EMC10: variants seen among roughly 807,000 people sequenced by gnomAD.
The protein encoded by EMC10 is ER membrane protein complex subunit 10, also known as UPF0510 protein INM02.
Under a neutral mutation model 32.2 loss-of-function variants are expected in EMC10, and 40 were observed. The ratio of observed to expected loss-of-function variants is 1.24; its 90% CI spans 0.96 to 1.61. The LOEUF is 1.61. EMC10 is among the 40% of genes most tolerant of loss of function. The pLI is 0.00. For missense variants in EMC10, 402 were observed against 357.7 expected (o/e 1.12, Z -1.00); for synonymous variants, 178 against 158.4 (o/e 1.12, Z -0.93).
chr19:50,478,415 G>T (rs2040264444), intron 2 of EMC10, among the ~76,000 whole-genome samples: 1 of 152,186 alleles, frequency 6.6e-6, no homozygotes, highest in South Asian at 2.1e-4. Context: ...GTGAGTGAGT[G>T]GCAGAGCAGG....
rs1382007263 is a variant in EMC10, at chr19:50,488,902, G to C, written c.*6643G>C. ...GACAGCGAGAAAAAGAGAACAGGAA[G>C]AGGGGAAAAGAGAAGAAATGGGAGA... On this transcript the variant is annotated 3_prime_UTR_variant, in exon 7 of 7. Coordinates refer to ENST00000334976, the MANE Select transcript of EMC10 (RefSeq NM_206538.4). 1 of 151,284 alleles carries C rather than the reference G, an allele frequency of 6.6e-6. No individual in the cohort carries two copies. Among genetic ancestry groups the C allele is most frequent in the Non-Finnish European group, 1.5e-5 (1 of 68,058 alleles). The allele number at this position is 151,284 out of a possible 1,614,324, so 9.4% of individuals were successfully genotyped here. A position where few individuals can be genotyped will look rare whatever the true frequency, so the allele number is the denominator to read the frequency against.
In EMC10 at chr19:50,480,857, C is replaced by T; in HGVS notation, c.585-27C>T. ...CAGGTCCCTGGACTCCGGGCCTCAC[C>T]CTTCTCCTCCTCTCCCCTTGCCCCA... On this transcript the variant is annotated intron_variant, in intron 5 of 6. Transcript: ENST00000334976. The surrounding 1 kb of genome is among the most constrained non-coding windows in gnomAD (Gnocchi z 4.4). 1.3e-6 allele frequency: 2 copies of T among 1,583,006 alleles called. No individual in the cohort carries two copies. The highest frequency in any genetic ancestry group is 3.5e-5 in the Admixed American group (2 of 56,464).
At position 50,480,726 on chromosome 19, in the gene EMC10, C is replaced by T. The variant is rs772989238; in HGVS notation, c.548C>T (p.Thr183Ile). ...GACGTGGACCTGGAGCTGTTCAACACCTCGGTGCAGCTGCAGCCGCCCACC... is the reference window on the plus strand; with the variant it reads ...GACGTGGACCTGGAGCTGTTCAACATCTCGGTGCAGCTGCAGCCGCCCACC... Reference protein sequence around the residue: ...VEDVDLELFNTSVQLQPPTTA... With the variant: ...VEDVDLELFNISVQLQPPTTA... The change falls in exon 5 of 7, where the codon ACC (threonine) becomes ATC (isoleucine). Residue 183 changes from threonine (T) to isoleucine (I), a missense_variant. Coordinates refer to ENST00000334976, the MANE Select transcript of EMC10 (RefSeq NM_206538.4). The surrounding 1 kb of genome is among the most constrained non-coding windows in gnomAD (Gnocchi z 4.4). The T allele has an allele frequency of 1.2e-5, 19 of 1,603,796 alleles. No homozygotes were observed. The highest frequency in any genetic ancestry group is 1.4e-5 in the Non-Finnish European group (17 of 1,175,908).
chr19:50,477,240 T>C (rs1241710642), intron 1 of EMC10: 1 of 152,318 alleles, frequency 6.6e-6, no homozygotes, highest in African/African-American at 2.4e-5. Flanking sequence ...CCGTCTCTAC[T>C]AAAAACACAA....
In EMC10 at chr19:50,490,486, C is replaced by T. The variant is rs1467344000; in HGVS notation, c.*8227C>T. On this transcript the variant is annotated 3_prime_UTR_variant, in exon 7 of 7. Transcript: ENST00000334976. ...AACGCGGAGGGACGTGGGAACCCAT[C>T]CCGGTGAAGCGGCAGCGTCACGTCC... is the stretch of plus-strand genomic sequence containing the variant. 5 of 152,274 alleles carry T rather than the reference C, an allele frequency of 3.3e-5. No individual in the cohort carries two copies. In the East Asian group the frequency reaches 9.7e-4, roughly 29 times the overall value. 9.4% of individuals were successfully genotyped at this position (152,274 alleles called of 1,614,324 possible).
intron 3 of EMC10, 66 bp downstream of exon 3, chr19:50,479,132 AC>A: frequency 3.8e-6 from 5 of 1,299,416 alleles, no homozygotes; most frequent in South Asian, 2.6e-5. Flanking sequence ...CTCTTCAGCC[AC>A]CCCCTGCTGG....
rs1978511801 is a variant in EMC10, at chr19:50,489,099, GAGAAGGGAAGTTA to G, written c.*6851_*6863del. On this transcript the variant is annotated 3_prime_UTR_variant, in exon 7 of 7. Transcript: ENST00000334976. ...AAGGAGGGTAGGAGAGGGCTGGAGA[GAGAAGGGAAGTTA>G]AGAAGGGAAGGAGAGAGACAGACAT... 3 of 151,794 alleles carry G rather than the reference GAGAAGGGAAGTTA, an allele frequency of 2.0e-5. No individual in the cohort carries two copies. The highest frequency in any genetic ancestry group is 7.3e-5 in the African/African-American group (3 of 41,044). The allele number at this position is 151,794 out of a possible 1,614,324, so 9.4% of individuals were successfully genotyped here. A position where few individuals can be genotyped will look rare whatever the true frequency, so the allele number is the denominator to read the frequency against.
At position 50,483,228 on chromosome 19, in the gene EMC10, T is replaced by C; in HGVS notation, c.*969T>C. On this transcript the variant is annotated 3_prime_UTR_variant, in exon 7 of 7. Coordinates refer to ENST00000334976, the MANE Select transcript of EMC10 (RefSeq NM_206538.4). Reference sequence around the variant, plus strand: ...CCTGATGTACAAGCTTGATTGAAATTCACTGCTCACTTGATACGTTATTCA... The same window carrying C: ...CCTGATGTACAAGCTTGATTGAAATCCACTGCTCACTTGATACGTTATTCA... The C allele has an allele frequency of 2.4e-6, 1 of 421,998 alleles. No individual in the cohort carries two copies. The highest frequency in any genetic ancestry group is 4.8e-6 in the Non-Finnish European group (1 of 206,488). 26.1% of individuals were successfully genotyped at this position (421,998 alleles called of 1,614,324 possible).
Position 50,482,611 on chromosome 19 carries a change from G to A in EMC10, c.*352G>A, listed in dbSNP as rs776364207. 1.2e-5 allele frequency: 6 copies of A among 487,714 alleles called. No homozygotes were observed. Among genetic ancestry groups the A allele is most frequent in the Admixed American group, 7.5e-5 (2 of 26,532 alleles). The allele number at this position is 487,714 out of a possible 1,614,324, so 30.2% of individuals were successfully genotyped here. On this transcript the variant is annotated 3_prime_UTR_variant, in exon 7 of 7. Coordinates refer to ENST00000334976, the MANE Select transcript of EMC10 (RefSeq NM_206538.4). ...AGCCCATGCAGTCTGGGAACATGCCGCCTTCTCTCCAGCCTCTGTGCCTTT... is the reference window on the plus strand; with the variant it reads ...AGCCCATGCAGTCTGGGAACATGCCACCTTCTCTCCAGCCTCTGTGCCTTT...
At position 50,484,034 on chromosome 19, in the gene EMC10, T is replaced by TC. The variant is rs2040363047; in HGVS notation, c.*1775_*1776insC. ...TTACTAATGCTTTTTTTTTTTTTTT[T>TC]TTTTTTTTTTTGAGGCAGAGTCTCG... On this transcript the variant is annotated 3_prime_UTR_variant, in exon 7 of 7. Transcript: ENST00000334976. 1.5e-5 allele frequency: 2 copies of TC among 136,314 alleles called. No homozygotes were observed. Among genetic ancestry groups the TC allele is most frequent in the Admixed American group, 1.5e-4 (2 of 13,280 alleles). The allele number at this position is 136,314 out of a possible 1,614,324, so 8.4% of individuals were successfully genotyped here. A position where few individuals can be genotyped will look rare whatever the true frequency, so the allele number is the denominator to read the frequency against.
rs897666274 is a variant in EMC10 at position 50,488,928 on chromosome 19, G to A, written c.*6669G>A. 1 of 150,336 alleles carries A rather than the reference G, an allele frequency of 6.7e-6. No homozygotes were observed. The highest frequency in any genetic ancestry group is 6.7e-5 in the Admixed American group (1 of 14,908). The allele number at this position is 150,336 out of a possible 1,614,324, so 9.3% of individuals were successfully genotyped here. ...AGGGGAAAAGAGAAGAAATGGGAGA[G>A]GGAAGAAGGGTGGGAGAGAAAACGG... is the stretch of plus-strand genomic sequence containing the variant. On this transcript the variant is annotated 3_prime_UTR_variant, in exon 7 of 7. Transcript: ENST00000334976.
Position 50,477,812 on chromosome 19 carries a change from A to C in EMC10, c.115-117A>C, listed in dbSNP as rs992304178. ...AAATAAAGGCAAGCAGCAGTGATTAACTTGAAGATAAGGCTCCTCCCTCAG... is the reference window on the plus strand; with the variant it reads ...AAATAAAGGCAAGCAGCAGTGATTACCTTGAAGATAAGGCTCCTCCCTCAG... On this transcript the variant is annotated intron_variant, in intron 1 of 6. Transcript: ENST00000334976. 4 of 675,434 alleles carry C rather than the reference A, an allele frequency of 5.9e-6. No homozygotes were observed. In the African/African-American group the frequency reaches 7.5e-5, roughly 13 times the overall value. The allele number at this position is 675,434 out of a possible 1,614,324, so 41.8% of individuals were successfully genotyped here.
In EMC10 at chr19:50,482,834, A is replaced by C; in HGVS notation, c.*575A>C. On this transcript the variant is annotated 3_prime_UTR_variant, in exon 7 of 7. Coordinates refer to ENST00000334976, the MANE Select transcript of EMC10 (RefSeq NM_206538.4). ...GGATGGCCGGGGGCTTCTGGGCCCG[A>C]CGCCTAGTGCAGCCCCTGGGGTCGT... 1.9e-6 allele frequency: 1 copy of C among 523,402 alleles called. No homozygotes were observed. The highest frequency in any genetic ancestry group is 3.4e-6 in the Non-Finnish European group (1 of 297,644). The allele number at this position is 523,402 out of a possible 1,614,324, so 32.4% of individuals were successfully genotyped here. A position where few individuals can be genotyped will look rare whatever the true frequency, so the allele number is the denominator to read the frequency against.
At chr19:50,481,852 C>G in intron 6 of EMC10, 1 of 1,566,560 alleles carries the variant, frequency 6.4e-7, no homozygotes, top group Non-Finnish European at 8.6e-7. Context: ...GCGCTCCCTC[C>G]CTCCCCAGTG....
chr19:50,490,019 A>G lies in EMC10; in HGVS notation c.*7760A>G, dbSNP rs73058230. On this transcript the variant is annotated 3_prime_UTR_variant, in exon 7 of 7. Transcript: ENST00000334976. ...AAGGCAGAGAAAGCAAAGCAAGACC[A>G]GACTCCTCATCCGGTAACACTGTGT... 9,159 of 152,054 alleles carry G rather than the reference A, an allele frequency of 0.06. 302 individuals are homozygous for G. The highest frequency in any genetic ancestry group is 0.071 in the Middle Eastern group (21 of 294). 9.4% of individuals were successfully genotyped at this position (152,054 alleles called of 1,614,324 possible).
chr19:50,485,121 C>T lies in EMC10; in HGVS notation c.*2862C>T, dbSNP rs1438311862. On this transcript the variant is annotated 3_prime_UTR_variant, in exon 7 of 7. Transcript: ENST00000334976. ...GTTGCTGGATTTGAGTAGTTCTAAG[C>T]AGCACTGCAGGAGTCCCCCTGTTCT... 1 of 152,172 alleles carries T rather than the reference C, an allele frequency of 6.6e-6. No homozygotes were observed. The highest frequency in any genetic ancestry group is 1.5e-5 in the Non-Finnish European group (1 of 68,026). 9.4% of individuals were successfully genotyped at this position (152,172 alleles called of 1,614,324 possible). A position where few individuals can be genotyped will look rare whatever the true frequency, so the allele number is the denominator to read the frequency against.
intron 1 of EMC10, 193 bp downstream of exon 1, chr19:50,476,851 G>A (rs188210340): frequency 2.9e-4 from 142 of 482,604 alleles, no homozygotes; most frequent in Middle Eastern, 2.1e-3. Context: ...CAAGGACTGG[G>A]TGGGAGGACA....
Position 50,485,754 on chromosome 19 carries a change from T to C in EMC10, c.*3495T>C, listed in dbSNP as rs1978328335. 7.6e-6 allele frequency: 1 copy of C among 131,228 alleles called. No homozygotes were observed. The highest frequency in any genetic ancestry group is 9.0e-5 in the Admixed American group (1 of 11,126). 8.1% of individuals were successfully genotyped at this position (131,228 alleles called of 1,614,324 possible). On this transcript the variant is annotated 3_prime_UTR_variant, in exon 7 of 7. Coordinates refer to ENST00000334976, the MANE Select transcript of EMC10 (RefSeq NM_206538.4). ...TTCCTGACACTAGAGCTGACCTCAC[T>C]ACTCCCCTGCTCACAGCCCTCCGCG...
chr19:50,477,838 C>A, intron 1 of EMC10, 91 bp from the exon 2 acceptor site: 2 of 964,946 alleles, frequency 2.1e-6, no homozygotes, highest in African/African-American at 1.7e-5. Context: ...CCTCCCTCAG[C>A]CCACCAGTCT....
Sources: gnomAD v4.1 joint callset for allele counts (sites outside exome capture counted in the v4.1 genomes callset) on GRCh38, gnomAD v4.1.1 for gene constraint, Gnocchi (gnomAD v3.1) non-coding constraint, MANE v1.5 for transcripts, NCBI Gene and HGNC (gene_info 2026-07-23, HGNC 2026-07-21) for gene names.